Variants in ALOX12 observed in about 807,000 individuals in gnomAD.
ALOX12 encodes arachidonate 12-lipoxygenase, 12S type, also known as polyunsaturated fatty acid lipoxygenase ALOX12.
A neutral mutation model predicts 85.5 loss-of-function variants in ALOX12; 62 were observed. That is an observed-to-expected ratio of 0.73 (90% CI 0.59 to 0.90). The LOEUF (loss-of-function observed/expected upper bound fraction) is 0.90, where lower values mean the gene tolerates loss of function less well. Ranked by LOEUF, ALOX12 falls within the 40% of genes least tolerant of loss-of-function variation. The pLI, the probability that ALOX12 is intolerant of heterozygous loss-of-function variation, is 0.00. For synonymous variants in ALOX12, 299 were observed against 332.7 expected (o/e 0.90, Z 1.10); for missense variants, 751 against 856.5 (o/e 0.88, Z 1.54).
Position 7,010,331 on chromosome 17 carries a change from C to T in ALOX12, c.1900C>T (p.Leu634=). 1 of 1,614,212 alleles carries T rather than the reference C, an allele frequency of 6.2e-7. No individual in the cohort carries two copies. Among genetic ancestry groups the T allele is most frequent in the Non-Finnish European group, 8.5e-7 (1 of 1,180,042 alleles). Residue 634 remains leucine (L), a synonymous_variant, in exon 14 of 14, where the codon CTG becomes TTG. Transcript: ENST00000251535. ...CCAATTCCGAACAGATTTGGAAAAG[C>T]TGGAAAAGGAGATTACAGCCCGGAA... is the stretch of plus-strand genomic sequence containing the variant. ...LNQFRTDLEK[L]EKEITARNEQ...
intron 8 of ALOX12, among the ~76,000 whole-genome samples, chr17:7,004,523 A>G (rs927124596): frequency 2.7e-5 from 4 of 148,150 alleles, no homozygotes; most frequent in African/African-American, 2.4e-5. Context: ...ATTTAATATT[A>G]AATTTTAATA....
chr17:6,998,426 G>A (rs1908550937), intron 2 of ALOX12, 83 bp from the exon 3 acceptor site: 1 of 901,864 alleles, frequency 1.1e-6, no homozygotes, highest in South Asian at 1.4e-5. Context: ...CATGGAATAC[G>A]GCTAACCACA....
chr17:7,003,298 G>T (rs1908802494), intron 8 of ALOX12, among the ~76,000 whole-genome samples: 1 of 152,168 alleles, frequency 6.6e-6, no homozygotes, highest in Admixed American at 6.5e-5. Flanking sequence ...GGATTGCTGG[G>T]GTCTTAGTCC....
Position 7,010,656 on chromosome 17 carries a change from C to G in ALOX12, c.*233C>G. On this transcript the variant is annotated 3_prime_UTR_variant, in exon 14 of 14. Transcript: ENST00000251535. ...TAGTCACTGTCTCAACTACTCAGCTCTCCTGCTGCAGCATGAAGGCAGCCA... is the reference window on the plus strand; with the variant it reads ...TAGTCACTGTCTCAACTACTCAGCTGTCCTGCTGCAGCATGAAGGCAGCCA... 1 of 440,904 alleles carries G rather than the reference C, an allele frequency of 2.3e-6. No homozygotes were observed. Among genetic ancestry groups the G allele is most frequent in the Non-Finnish European group, 4.0e-6 (1 of 252,802 alleles). The allele number at this position is 440,904 out of a possible 1,614,324, so 27.3% of individuals were successfully genotyped here.
At position 7,006,466 on chromosome 17, in the gene ALOX12, T is replaced by G. The variant is rs1597325645; in HGVS notation, c.1419-20T>G. On this transcript the variant is annotated intron_variant, in intron 10 of 13. Coordinates refer to ENST00000251535, the MANE Select transcript of ALOX12 (RefSeq NM_000697.3). ...GAGGCGGGGGCTTTCTGCCCTCAAG[T>G]GCCTTTTCCCCCTGGGCAGGTATGT... 2 of 1,613,034 alleles carry G rather than the reference T, an allele frequency of 1.2e-6. No individual in the cohort carries two copies. The highest frequency in any genetic ancestry group is 2.2e-5 in the South Asian group (2 of 91,068).
chr17:6,998,708 C>A lies in ALOX12; in HGVS notation c.420-7C>A. ...ATCCTTCCTGAAGCTTTGTCCCCAA[C>A]TCCTAGCTGGGCCACCTGGAAGGAA... is the stretch of plus-strand genomic sequence containing the variant. On this transcript the variant is annotated splice_region_variant and splice_polypyrimidine_tract_variant and intron_variant, in intron 3 of 13. Transcript: ENST00000251535. 1.3e-6 allele frequency: 2 copies of A among 1,595,658 alleles called. No individual in the cohort carries two copies. Among genetic ancestry groups the A allele is most frequent in the Non-Finnish European group, 1.7e-6 (2 of 1,169,218 alleles).
intron 11 of ALOX12, among the ~76,000 whole-genome samples, chr17:7,007,744 C>T (rs957964810): frequency 3.9e-5 from 6 of 151,960 alleles, no homozygotes; most frequent in East Asian, 1.9e-4. Context: ...AGCCAGGCGT[C>T]GTGGCACGCA....
At chr17:7,004,365 T>C (rs1420752961) in intron 8 of ALOX12, among the ~76,000 whole-genome samples, 1 of 110,938 alleles carries the variant, frequency 9.0e-6, no homozygotes, top group African/African-American at 3.3e-5. Context: ...TTAATTTTAA[T>C]ATTAATTTAA....
intron 11 of ALOX12, among the ~76,000 whole-genome samples, chr17:7,006,908 G>T (rs1322356606): frequency 2.0e-5 from 3 of 152,080 alleles, no homozygotes; most frequent in Admixed American, 2.0e-4. Flanking sequence ...GCTGGGAGGG[G>T]TCTGCACAGT....
intron 11 of ALOX12, among the ~76,000 whole-genome samples, chr17:7,007,875 C>T (rs943768113): frequency 5.9e-5 from 9 of 151,896 alleles, no homozygotes; most frequent in East Asian, 1.9e-4. Flanking sequence ...AGCGAAACTC[C>T]GTCTCAAAAA....
Position 7,010,432 on chromosome 17 carries a change from G to A in ALOX12, c.*9G>A. On this transcript the variant is annotated 3_prime_UTR_variant, in exon 14 of 14. Transcript: ENST00000251535. The stretch of plus-strand genomic sequence containing the variant: ...ACAGTGTCACCATCTGAGCCCTAGA[G>A]TGACTCTACCTGCAAGATTTCACAT... 8 of 1,609,662 alleles carry A rather than the reference G, an allele frequency of 5.0e-6. No individual in the cohort carries two copies. The highest frequency in any genetic ancestry group is 1.7e-5 in the Admixed American group (1 of 59,200).
intron 8 of ALOX12, 82 bp from the exon 9 acceptor site, chr17:7,005,175 G>A (rs1036114791): frequency 8.3e-6 from 10 of 1,202,278 alleles, no homozygotes; most frequent in Middle Eastern, 4.4e-4. Flanking sequence ...AGGAGAAGGC[G>A]CCATGCTGGG....
chr17:7,006,406 T>C (rs910659247), intron 10 of ALOX12, 80 bp from the exon 11 acceptor site: 23 of 1,598,904 alleles, frequency 1.4e-5, no homozygotes, highest in Non-Finnish European at 1.8e-5. Flanking sequence ...TGTGGAAGCA[T>C]TGGGCAGATG....
At position 6,997,027 on chromosome 17, in the gene ALOX12, G is replaced by A. The variant is rs1321896069; in HGVS notation, c.337G>A (p.Ala113Thr). ...CATCCTGAGCCTGCCCGAGGGCACCGGTGAGCAGGCGGCGTCGGGGAAGGA... is the reference window on the plus strand; with the variant it reads ...CATCCTGAGCCTGCCCGAGGGCACCAGTGAGCAGGCGGCGTCGGGGAAGGA... Reference protein sequence around the residue: ...EDILSLPEGTARLPGDNALDM... With the variant: ...EDILSLPEGTTRLPGDNALDM... The change falls in exon 2 of 14, where the codon GCC becomes ACC. Residue 113 changes from alanine (A) to threonine (T), a missense_variant and splice_region_variant. Ala to Thr is a moderately conservative substitution (Grantham distance 58). Transcript: ENST00000251535. The A allele has an allele frequency of 2.0e-6, 3 of 1,536,574 alleles. No homozygotes were observed. The highest frequency in any genetic ancestry group is 2.0e-5 in the Admixed American group (1 of 50,836).
chr17:7,001,730 C>T lies in ALOX12; in HGVS notation c.1080C>T (p.His360=), dbSNP rs1214890031. Residue 360 remains histidine (H), a synonymous_variant, in exon 8 of 14, where the codon CAC becomes CAT. Coordinates refer to ENST00000251535, the MANE Select transcript of ALOX12 (RefSeq NM_000697.3). ...TCCAACTGCACGAGATCCAGTATCACTTGCTGAACACTCACCTGGTGGCTG... is the reference window on the plus strand; with the variant it reads ...TCCAACTGCACGAGATCCAGTATCATTTGCTGAACACTCACCTGGTGGCTG... ...SDFQLHEIQY[H]LLNTHLVAEV... is the part of the protein sequence containing the mutation. 2.5e-6 allele frequency: 4 copies of T among 1,613,994 alleles called. No individual in the cohort carries two copies. The Admixed American group carries it at 6.7e-5, about 27-fold the overall frequency.
At chr17:7,002,632 G>A (rs775540020) in intron 8 of ALOX12, 17 of 362,656 alleles carry the variant, frequency 4.7e-5, no homozygotes, top group Non-Finnish European at 9.3e-5. Flanking sequence ...TAAATAAAAA[G>A]AAAGAAAGAA....
intron 11 of ALOX12, chr17:7,009,377 C>A (rs565152412): frequency 4.7e-6 from 1 of 212,598 alleles, no homozygotes; most frequent in Non-Finnish European, 9.7e-6. Flanking sequence ...CAATTCTTAA[C>A]CACTTTTTGA....
Position 6,999,363 on chromosome 17 carries a change from G to A in ALOX12, c.704G>A (p.Gly235Asp). The A allele has an allele frequency of 6.2e-7, 1 of 1,614,176 alleles. No individual in the cohort carries two copies. Among genetic ancestry groups the A allele is most frequent in the Non-Finnish European group, 8.5e-7 (1 of 1,180,026 alleles). ...DELFSYQFLN[G>D]ANPMLLRRST... is the part of the protein sequence containing the mutation. ...TTGTTCAGCTACCAGTTCCTCAATG[G>A]TGCCAACCCCATGCTGTTGAGACGC... Residue 235 changes from glycine (G) to aspartate (D), a missense_variant, in exon 6 of 14, where the codon GGT becomes GAT. Transcript: ENST00000251535.
Position 7,001,812 on chromosome 17 carries a change from G to A in ALOX12, c.1161+1G>A, listed in dbSNP as rs756762345. 7 of 1,613,062 alleles carry A rather than the reference G, an allele frequency of 4.3e-6. No individual in the cohort carries two copies. Among genetic ancestry groups the A allele is most frequent in the Non-Finnish European group, 4.2e-6 (5 of 1,179,192 alleles). On this transcript the variant is annotated splice_donor_variant, in intron 8 of 13. Transcript: ENST00000251535. LOFTEE classifies it high-confidence loss of function. ...CCCAGGACTGCACCCCATCTTCAAG[G>A]TACTTATTAATCTATTAAATCACAT... is the stretch of plus-strand genomic sequence containing the variant.
Sources: gnomAD v4.1 joint callset for allele counts (sites outside exome capture counted in the v4.1 genomes callset) on GRCh38, gnomAD v4.1.1 for gene constraint, MANE v1.5 for transcripts, NCBI Gene and HGNC (gene_info 2026-07-23, HGNC 2026-07-21) for gene names.